Variants in CAD observed in about 807,000 individuals in gnomAD.
CAD encodes multifunctional protein CAD.
CAD carries 81 observed loss-of-function variants against 237.2 expected under a neutral mutation model. That is an observed-to-expected ratio of 0.34 (90% CI 0.29 to 0.41). CAD has a LOEUF of 0.41. Ranked by LOEUF, CAD falls within the 10% of genes least tolerant of loss-of-function variation. CAD has a pLI of 1.00. For missense variants in CAD, 2,181 were observed against 2,951.7 expected, an observed-to-expected ratio of 0.74 and a Z score of 6.05; for synonymous variants, 1,196 against 1,162.8, an observed-to-expected ratio of 1.03 and a Z score of -0.58.
At position 27,239,831 on chromosome 2, in the gene CAD, G is replaced by T. The variant is rs1185492643; in HGVS notation, c.5496+33G>T. 3 of 1,440,372 alleles carry T rather than the reference G, an allele frequency of 2.1e-6. No individual in the cohort carries two copies. The highest frequency in any genetic ancestry group is 2.8e-6 in the Non-Finnish European group (3 of 1,067,078). The allele number at this position is 1,440,372 out of a possible 1,614,324, so 89.2% of individuals were successfully genotyped here. On this transcript the variant is annotated intron_variant, in intron 34 of 43. Coordinates refer to ENST00000264705, the MANE Select transcript of CAD (RefSeq NM_004341.5). The surrounding 1 kb of genome is among the most constrained non-coding windows in gnomAD (Gnocchi z 4.0). Reference sequence around the variant, plus strand: ...CACTACTGGGCTAGGGGGCTGGGAGGTGTTAGTCTCAGGGCAGGATGAACA... The same window carrying T: ...CACTACTGGGCTAGGGGGCTGGGAGTTGTTAGTCTCAGGGCAGGATGAACA...
At chr2:27,225,313 T>TTC in intron 11 of CAD, 70 bp downstream of exon 11, 1 of 981,278 alleles carries the variant, frequency 1.0e-6, no homozygotes, top group Non-Finnish European at 1.5e-6. Context: ...CTTTTTTTTT[T>TTC]TTTTTTTTTT....
chr2:27,236,745 G>T lies in CAD; in HGVS notation c.4315-4G>T. ...CCTTAAAGCTGACTGCTTTCCACTT[G>T]CAGGCCCTAGGCCAGATCGGGCCAG... On this transcript the variant is annotated splice_region_variant and splice_polypyrimidine_tract_variant and intron_variant, in intron 26 of 43. Coordinates refer to ENST00000264705, the MANE Select transcript of CAD (RefSeq NM_004341.5). The surrounding 1 kb of genome is among the most constrained non-coding windows in gnomAD (Gnocchi z 4.1). The T allele has an allele frequency of 6.2e-7, 1 of 1,613,856 alleles. No homozygotes were observed. The highest frequency in any genetic ancestry group is 1.1e-5 in the South Asian group (1 of 91,070).
intron 4 of CAD, 28 bp downstream of exon 4, chr2:27,222,364 C>T (rs1243585301): frequency 6.3e-7 from 1 of 1,597,874 alleles, no homozygotes; most frequent in South Asian, 1.1e-5. Flanking sequence ...GAGAGTGTTG[C>T]AAGCTCTAGC....
Position 27,236,569 on chromosome 2 carries a change from G to C in CAD, c.4314+46G>C, listed in dbSNP as rs1244843399. ...GGGAGGGAGACTGCCAGTGTTGATG[G>C]GAAGAAGAAAGAGGGAGGAGTGAGT... On this transcript the variant is annotated intron_variant, in intron 26 of 43. Transcript: ENST00000264705. This position sits in a 1 kb window ranked among gnomAD's most constrained non-coding sequence, Gnocchi z 4.1. 1.9e-6 allele frequency: 3 copies of C among 1,603,650 alleles called. No homozygotes were observed. Among genetic ancestry groups the C allele is most frequent in the East Asian group, 4.5e-5 (2 of 44,814 alleles).
At position 27,241,806 on chromosome 2, in the gene CAD, G is replaced by T; in HGVS notation, c.5884-105G>T. On this transcript the variant is annotated intron_variant, in intron 38 of 43. Coordinates refer to ENST00000264705, the MANE Select transcript of CAD (RefSeq NM_004341.5). The surrounding 1 kb of genome is among the most constrained non-coding windows in gnomAD (Gnocchi z 4.6). ...ACAGGGGAGGTTTGGGTGCAGAAGG[G>T]TCCTCACAGCACCCCTCAAGTGTCA... is the stretch of plus-strand genomic sequence containing the variant. 1.2e-6 allele frequency: 1 copy of T among 868,232 alleles called. No homozygotes were observed. Among genetic ancestry groups the T allele is most frequent in the Non-Finnish European group, 1.8e-6 (1 of 542,962 alleles). The allele number at this position is 868,232 out of a possible 1,614,324, so 53.8% of individuals were successfully genotyped here. A position where few individuals can be genotyped will look rare whatever the true frequency, so the allele number is the denominator to read the frequency against.
At chr2:27,230,087 A>G (rs1399315521) in intron 15 of CAD, among the ~76,000 whole-genome samples, 1 of 150,422 alleles carries the variant, frequency 6.6e-6, no homozygotes, top group Non-Finnish European at 1.5e-5. Context: ...AAAATACAAA[A>G]ATTACCCAGG....
At position 27,224,202 on chromosome 2, in the gene CAD, GGGTCCTGGGTTCT is replaced by G. The variant is rs1675321048; in HGVS notation, c.1109-136_1109-124del. ...TAAGCTTCTGTTGAAAGGAACTCCA[GGGTCCTGGGTTCT>G]GGTCCTCCCTCTGCTCCTCCTGAGG... On this transcript the variant is annotated intron_variant, in intron 8 of 43. Transcript: ENST00000264705. 4.1e-6 allele frequency: 4 copies of G among 971,644 alleles called. No homozygotes were observed. In the African/African-American group the frequency reaches 6.6e-5, roughly 16 times the overall value. The allele number at this position is 971,644 out of a possible 1,614,324, so 60.2% of individuals were successfully genotyped here. A position where few individuals can be genotyped will look rare whatever the true frequency, so the allele number is the denominator to read the frequency against.
At chr2:27,238,707 G>A (rs1415282713) in intron 31 of CAD, 75 bp downstream of exon 31, 2 of 1,398,838 alleles carry the variant, frequency 1.4e-6, no homozygotes, top group African/African-American at 2.9e-5. Context: ...ATGGGAAGCA[G>A]GCCAGGCCTC....
Position 27,232,525 on chromosome 2 carries a change from C to T in CAD, c.2723C>T (p.Ala908Val). The T allele has an allele frequency of 6.2e-7, 1 of 1,614,222 alleles. No individual in the cohort carries two copies. The highest frequency in any genetic ancestry group is 8.5e-7 in the Non-Finnish European group (1 of 1,180,038). The change falls in exon 18 of 44, where the codon GCT (alanine) becomes GTT (valine). Residue 908 changes from alanine to valine, a missense_variant. By Grantham distance (64) the Ala-to-Val change is moderately conservative (BLOSUM62 0). Transcript: ENST00000264705. The surrounding 1 kb of genome is among the most constrained non-coding windows in gnomAD (Gnocchi z 4.1). ...GTGAAACAGATTGACACAGTTGCAG[C>T]TGAGTGGCCAGCCCAGACAAATTAC... Reference protein sequence around the residue: ...PAVKQIDTVAAEWPAQTNYLY... With the variant: ...PAVKQIDTVAVEWPAQTNYLY...
chr2:27,225,303 CTT>C (rs1221617250), intron 11 of CAD, 60 bp downstream of exon 11: 16,349 of 523,676 alleles, frequency 0.031, no homozygotes, highest in East Asian at 0.045. Context: ...GTGTTATTTT[CTT>C]TTTTTTTTTT....
In CAD at chr2:27,239,453, T is replaced by C; in HGVS notation, c.5376T>C (p.Val1792=). ...TVRRVVLRGE[V]AYIDGQVLVP... is the part of the protein sequence containing the mutation. ...GCCGTGTGGTCCTGCGAGGGGAGGT[T>C]GCCTATATCGATGGGCAGGTACGCA... is the stretch of plus-strand genomic sequence containing the variant. Residue 1792 remains valine (V), a synonymous_variant, in exon 33 of 44, where the codon GTT becomes GTC. Transcript: ENST00000264705. The surrounding 1 kb of genome is among the most constrained non-coding windows in gnomAD (Gnocchi z 4.0). 1 of 1,613,864 alleles carries C rather than the reference T, an allele frequency of 6.2e-7. No individual in the cohort carries two copies. Among genetic ancestry groups the C allele is most frequent in the Non-Finnish European group, 8.5e-7 (1 of 1,179,910 alleles).
At chr2:27,224,901 GA>G (rs1675356184) in intron 10 of CAD, 25 bp downstream of exon 10, 2 of 1,614,154 alleles carry the variant, frequency 1.2e-6, no homozygotes. Context: ...AGGCTGGAAT[GA>G]AAAGAGGACT....
chr2:27,228,970 G>A (rs1316675381), intron 15 of CAD, among the ~76,000 whole-genome samples: 1 of 145,086 alleles, frequency 6.9e-6, no homozygotes, highest in Non-Finnish European at 1.5e-5. Context: ...CCAGGCTGGA[G>A]TGCAGTGGTG....
chr2:27,234,064 T>G lies in CAD; in HGVS notation c.3456T>G (p.Ser1152=), dbSNP rs769540482. The G allele has an allele frequency of 8.1e-6, 13 of 1,614,062 alleles. No homozygotes were observed. Among genetic ancestry groups the G allele is most frequent in the Non-Finnish European group, 1.0e-5 (12 of 1,180,030 alleles). Residue 1152 remains serine, a synonymous_variant, in exon 22 of 44, where the codon TCT becomes TCG. Transcript: ENST00000264705. The stretch of plus-strand genomic sequence containing the variant: ...GTGTGGTGGCAGCCATCGCCATCTC[T>G]GAGCATGTGGAGAATGCAGGTGTGC... ...SDGVVAAIAI[S]EHVENAGVHS...
intron 22 of CAD, 97 bp downstream of exon 22, chr2:27,234,323 TCCAA>T: frequency 1.6e-6 from 2 of 1,289,062 alleles, no homozygotes; most frequent in Non-Finnish European, 2.2e-6. Flanking sequence ...CCTGCCTTCA[TCCAA>T]GTAGGCAGGG....
chr2:27,243,229 T>G lies in CAD; in HGVS notation c.6512T>G (p.Ile2171Ser). Residue 2171 changes from isoleucine (I) to serine (S), a missense_variant, in exon 43 of 44, where the codon ATC becomes AGC. By Grantham distance (142) the Ile-to-Ser change is moderately radical. Coordinates refer to ENST00000264705, the MANE Select transcript of CAD (RefSeq NM_004341.5). ...CFGQFILTPHIMTRAKKKMVV... is the reference protein window; with the variant it reads ...CFGQFILTPHSMTRAKKKMVV... The stretch of plus-strand genomic sequence containing the variant: ...GGTCAGTTCATCCTCACTCCCCACA[T>G]CATGACCCGGGCCAAGAAGAAGATG... 6.2e-7 allele frequency: 1 copy of G among 1,613,878 alleles called. No individual in the cohort carries two copies. Among genetic ancestry groups the G allele is most frequent in the Non-Finnish European group, 8.5e-7 (1 of 1,179,972 alleles).
chr2:27,242,193 C>A lies in CAD; in HGVS notation c.6096+70C>A. On this transcript the variant is annotated intron_variant, in intron 39 of 43. Coordinates refer to ENST00000264705, the MANE Select transcript of CAD (RefSeq NM_004341.5). This position sits in a 1 kb window ranked among gnomAD's most constrained non-coding sequence, Gnocchi z 6.4. The stretch of plus-strand genomic sequence containing the variant: ...CCAGGGGCATGAGAACCCTTCTGCC[C>A]ACGTTTTCTGTGTTTTGGGCCAGAT... The A allele has an allele frequency of 6.3e-7, 1 of 1,589,512 alleles. No individual in the cohort carries two copies. Among genetic ancestry groups the A allele is most frequent in the South Asian group, 1.1e-5 (1 of 88,920 alleles).
chr2:27,238,831 A>G (rs971478413), intron 31 of CAD, among the ~76,000 whole-genome samples, 199 bp downstream of exon 31: 2 of 152,250 alleles, frequency 1.3e-5, no homozygotes, highest in African/African-American at 2.4e-5. Context: ...GCCAGTGAGT[A>G]GAACTGCAAG....
chr2:27,226,687 G>T (rs1225411223), intron 14 of CAD, 38 bp downstream of exon 14: 10 of 1,611,840 alleles, frequency 6.2e-6, no homozygotes, highest in Non-Finnish European at 7.6e-6. Context: ...GGGGAAGTGG[G>T]TCGGGGGCTG....
Sources: allele counts gnomAD v4.1 joint callset (sites outside exome capture counted in the v4.1 genomes callset), GRCh38; gene constraint gnomAD v4.1.1; non-coding constraint Gnocchi (gnomAD v3.1); transcripts MANE v1.5; gene names NCBI Gene and HGNC (gene_info 2026-07-23, HGNC 2026-07-21).